Variants in TUT1 observed in about 807,000 individuals in gnomAD.
The protein encoded by TUT1 is terminal uridylyl transferase 1, U6 snRNA-specific.
A neutral mutation model predicts 48.8 loss-of-function variants in TUT1; 26 were observed. The observed-to-expected ratio is 0.53, with a 90% confidence interval of 0.39 to 0.74. The LOEUF is 0.74. TUT1 is among the 30% of genes least tolerant of loss of function. The probability of loss-of-function intolerance (pLI) is 0.00; values close to 1 mark genes in which losing one functional copy is unlikely to be tolerated. For synonymous variants in TUT1, 470 were observed against 460.8 expected, an observed-to-expected ratio of 1.02 and a Z score of -0.26; for missense variants, 1,065 against 1,114.8, an observed-to-expected ratio of 0.96 and a Z score of 0.64.
rs1412691520 is a variant in TUT1, at chr11:62,576,439, G to C, written c.1475-195C>G. 8.7e-6 allele frequency: 7 copies of C among 804,532 alleles called. No homozygotes were observed. In the Admixed American group the frequency reaches 1.7e-4, roughly 20 times the overall value. The allele number at this position is 804,532 out of a possible 1,614,324, so 49.8% of individuals were successfully genotyped here. ...CTCCCTGCCCCCACATGATGTCCTT[G>C]CCCAGATGCTGCTGCTCCTTGCTAG... On this transcript the variant is annotated intron_variant, in intron 8 of 8. Coordinates refer to ENST00000476907, the MANE Select transcript of TUT1 (RefSeq NM_022830.3).
intron 2 of TUT1, 91 bp from the exon 3 acceptor site, chr11:62,581,792 T>C: frequency 1.8e-6 from 2 of 1,100,792 alleles, no homozygotes; most frequent in Non-Finnish European, 2.4e-6. Context: ...AAATGGAGAC[T>C]ATCCCATAAA....
chr11:62,582,657 AC>A, intron 2 of TUT1: 1 of 441,788 alleles, frequency 2.3e-6, no homozygotes, highest in Non-Finnish European at 4.6e-6. Context: ...TTTTACTCTC[AC>A]CCCAGTCTGC....
At position 62,575,104 on chromosome 11, in the gene TUT1, T is replaced by C; in HGVS notation, c.2615A>G (p.His872Arg). ...LQVFLPQAIR[H>R]LK ...TCAGGGGCCATGTCTTCACTTGAGATGTCGAATTGCTTGAGGGAGGAAAAC... is the reference window on the plus strand; with the variant it reads ...TCAGGGGCCATGTCTTCACTTGAGACGTCGAATTGCTTGAGGGAGGAAAAC... Residue 872 changes from histidine to arginine, a missense_variant, in exon 9 of 9, where the codon CAT (histidine) becomes CGT (arginine). His to Arg is a conservative substitution (Grantham distance 29). Coordinates refer to ENST00000476907, the MANE Select transcript of TUT1 (RefSeq NM_022830.3). 1 of 1,562,868 alleles carries C rather than the reference T, an allele frequency of 6.4e-7. No homozygotes were observed. The highest frequency in any genetic ancestry group is 8.7e-7 in the Non-Finnish European group (1 of 1,153,276).
At position 62,576,926 on chromosome 11, in the gene TUT1, G is replaced by A; in HGVS notation, c.1362C>T (p.Ser454=). Reference sequence around the variant, plus strand: ...GAGTACCTGCTTTCTGGGTGAGCTGGGACACAGTGGGCAACACAGGAGGGT... The same window carrying A: ...GAGTACCTGCTTTCTGGGTGAGCTGAGACACAGTGGGCAACACAGGAGGGT... The part of the protein sequence containing the change: ...TRDPPVLPTV[S]QLTQKAGEGE... Residue 454 remains serine (S), a synonymous_variant, in exon 7 of 9, where the codon TCC becomes TCT. Transcript: ENST00000476907. 6.2e-7 allele frequency: 1 copy of A among 1,614,028 alleles called. No homozygotes were observed. Among genetic ancestry groups the A allele is most frequent in the Non-Finnish European group, 8.5e-7 (1 of 1,179,976 alleles).
rs1941735004 is a variant in TUT1 at position 62,576,698 on chromosome 11, T to A, written c.1433A>T (p.Asp478Val). 2 of 1,614,062 alleles carry A rather than the reference T, an allele frequency of 1.2e-6. No homozygotes were observed. Among genetic ancestry groups the A allele is most frequent in the Non-Finnish European group, 1.7e-6 (2 of 1,180,034 alleles). ...VDGWDCSFPR[D>V]ASRLEPSINV... The stretch of plus-strand genomic sequence containing the variant: ...TATGCTGGGCTCCAGTCTTGAGGCA[T>A]CCCTGGGGAAACTGCAGTCCCAGCC... The change falls in exon 8 of 9, where the codon GAT becomes GTT. Residue 478 changes from aspartate (D) to valine (V), a missense_variant. By Grantham distance (152) the Asp-to-Val change is radical. Transcript: ENST00000476907.
chr11:62,589,986 G>A (rs555775016), intron 1 of TUT1, among the ~76,000 whole-genome samples: 1 of 152,318 alleles, frequency 6.6e-6, no homozygotes, highest in Admixed American at 6.5e-5. Context: ...TATATCACTT[G>A]GCAGAGAGAG....
chr11:62,589,084 C>CA lies in TUT1; in HGVS notation c.219dup (p.Glu74Ter). On this transcript the variant is annotated frameshift_variant, in exon 2 of 9. Transcript: ENST00000476907. LOFTEE classifies it high-confidence loss of function. ...ACAGGTCCAAATGCTAGGAAGTACTCAGAGAGCTGAGCAGAATCCACATCC... is the reference window on the plus strand; with the variant it reads ...ACAGGTCCAAATGCTAGGAAGTACTCAAGAGAGCTGAGCAGAATCCACATCC... The CA allele has an allele frequency of 1.9e-6, 3 of 1,614,178 alleles. No homozygotes were observed. Among genetic ancestry groups the CA allele is most frequent in the Non-Finnish European group, 2.5e-6 (3 of 1,180,014 alleles).
Position 62,589,219 on chromosome 11 carries a change from G to C in TUT1, c.85C>G (p.Pro29Ala). The change falls in exon 2 of 9, where the codon CCC (proline) becomes GCC (alanine). Residue 29 changes from proline to alanine, a missense_variant and splice_region_variant. Pro to Ala is a conservative substitution (Grantham distance 27, BLOSUM62 -1). Coordinates refer to ENST00000476907, the MANE Select transcript of TUT1 (RefSeq NM_022830.3). ...CLCHVTTANR[P>A]SLDAHLGGRK... ...CCTCCCAAGTGGGCATCAAGGCTGG[G>C]TCCTGCAAAGACAAGTGTGAGACAA... The C allele has an allele frequency of 6.2e-7, 1 of 1,613,838 alleles. No individual in the cohort carries two copies.
chr11:62,578,847 A>T lies in TUT1; in HGVS notation c.874T>A (p.Ser292Thr). Residue 292 changes from serine to threonine, a missense_variant, in exon 5 of 9, where the codon TCT becomes ACT. Physicochemically the swap from Ser to Thr is moderately conservative, Grantham distance 58. Transcript: ENST00000476907. Reference sequence around the variant, plus strand: ...GCAAGGGTCTCGGAGGCCAAGGCAGAGTCCGGAGTTTGGGGCGCCAGGGAG... The same window carrying T: ...GCAAGGGTCTCGGAGGCCAAGGCAGTGTCCGGAGTTTGGGGCGCCAGGGAG... Reference protein sequence around the residue: ...SSSLAPQTPDSALASETLASP... With the variant: ...SSSLAPQTPDTALASETLASP... 1 of 1,613,294 alleles carries T rather than the reference A, an allele frequency of 6.2e-7. No homozygotes were observed. Among genetic ancestry groups the T allele is most frequent in the Non-Finnish European group, 8.5e-7 (1 of 1,179,482 alleles).
rs374483612 is a variant in TUT1 at position 62,578,712 on chromosome 11, C to T, written c.1009G>A (p.Gly337Arg). 151 of 1,614,082 alleles carry T rather than the reference C, an allele frequency of 9.4e-5. No homozygotes were observed. Among genetic ancestry groups the T allele is most frequent in the African/African-American group, 1.5e-4 (11 of 74,916 alleles). Residue 337 changes from glycine to arginine, a missense_variant, in exon 5 of 9, where the codon GGG becomes AGG. Gly to Arg is a moderately radical substitution (Grantham distance 125). Transcript: ENST00000476907. ...CCCACCAGCTCCAGCATTGCTGCCC[C>T]CTCTGCTTTCTCCTCCTTTGGGGTC... Reference protein sequence around the residue: ...AETPKEEKAEGAAMLELVGSI... With the variant: ...AETPKEEKAERAAMLELVGSI...
chr11:62,588,014 T>A (rs1050587257), intron 2 of TUT1, among the ~76,000 whole-genome samples: 1 of 152,250 alleles, frequency 6.6e-6, no homozygotes, highest in Non-Finnish European at 1.5e-5. Context: ...GTTGATCCAA[T>A]GGTATGTTGT....
rs759055889 is a variant in TUT1 at position 62,578,863 on chromosome 11, C to T, written c.858G>A (p.Ala286=). 31 of 1,611,492 alleles carry T rather than the reference C, an allele frequency of 1.9e-5. No individual in the cohort carries two copies. Among genetic ancestry groups the T allele is most frequent in the Non-Finnish European group, 2.5e-5 (29 of 1,178,512 alleles). ...CCAAGGCAGAGTCCGGAGTTTGGGG[C>T]GCCAGGGAGGAGGAAGGGGTTTCAA... ...LDFETPSSSL[A]PQTPDSALAS... The change falls in exon 5 of 9, where the codon GCG becomes GCA. Residue 286 remains alanine, a synonymous_variant. Coordinates refer to ENST00000476907, the MANE Select transcript of TUT1 (RefSeq NM_022830.3).
rs754989393 is a variant in TUT1, at chr11:62,575,340, A to G, written c.2379T>C (p.Ala793=). ...CTGCTCTTGTGCCAGCGCCACCTCC[A>G]GCTCCCTCCTTGGTTTGCTGCTGCA... ...RRLQQQTKEG[A]GGGAGTRAGW... Residue 793 remains alanine (A), a synonymous_variant, in exon 9 of 9, where the codon GCT becomes GCC. Coordinates refer to ENST00000476907, the MANE Select transcript of TUT1 (RefSeq NM_022830.3). The G allele has an allele frequency of 6.2e-7, 1 of 1,613,986 alleles. No individual in the cohort carries two copies. Among genetic ancestry groups the G allele is most frequent in the South Asian group, 1.1e-5 (1 of 91,076 alleles).
chr11:62,585,400 A>G (rs1302105078), intron 2 of TUT1, among the ~76,000 whole-genome samples: 1 of 152,206 alleles, frequency 6.6e-6, no homozygotes, highest in African/African-American at 2.4e-5. Context: ...ACAGTTTACC[A>G]GACTGCAGTA....
chr11:62,590,107 G>T (rs1941984842), intron 1 of TUT1, among the ~76,000 whole-genome samples: 1 of 152,234 alleles, frequency 6.6e-6, no homozygotes, highest in Non-Finnish European at 1.5e-5. Flanking sequence ...TAGGTTTCTG[G>T]CTTGGCTTAC....
At chr11:62,582,923 T>C (rs1257057854) in intron 2 of TUT1, among the ~76,000 whole-genome samples, 1 of 151,698 alleles carries the variant, frequency 6.6e-6, no homozygotes. Flanking sequence ...GGTCAGGAGA[T>C]AGAGACCATC....
rs573311126 is a variant in TUT1, at chr11:62,589,159, C to T, written c.145G>A (p.Ala49Thr). 1 of 1,614,270 alleles carries T rather than the reference C, an allele frequency of 6.2e-7. No individual in the cohort carries two copies. The highest frequency in any genetic ancestry group is 2.2e-5 in the East Asian group (1 of 44,888). Residue 49 changes from alanine to threonine, a missense_variant, in exon 2 of 9, where the codon GCG becomes ACG. By Grantham distance (58) the Ala-to-Thr change is moderately conservative (BLOSUM62 0). Coordinates refer to ENST00000476907, the MANE Select transcript of TUT1 (RefSeq NM_022830.3). ...KHRHLVELRA[A>T]RKAQGLRSVF... ...CTTCGAAGTCCCTGGGCCTTTCTCG[C>T]AGCTCGTAGTTCTACCAGGTGCCGG...
chr11:62,589,169 T>G lies in TUT1; in HGVS notation c.135A>C (p.Glu45Asp). Residue 45 changes from glutamate (E) to aspartate (D), a missense_variant, in exon 2 of 9, where the codon GAA becomes GAC. Transcript: ENST00000476907. ...LGGRKHRHLV[E>D]LRAARKAQGL... Reference sequence around the variant, plus strand: ...CCTGGGCCTTTCTCGCAGCTCGTAGTTCTACCAGGTGCCGGTGCTTTCTGC... The same window carrying G: ...CCTGGGCCTTTCTCGCAGCTCGTAGGTCTACCAGGTGCCGGTGCTTTCTGC... 1 of 1,614,240 alleles carries G rather than the reference T, an allele frequency of 6.2e-7. No individual in the cohort carries two copies. Among genetic ancestry groups the G allele is most frequent in the Non-Finnish European group, 8.5e-7 (1 of 1,180,050 alleles).
At chr11:62,588,143 G>C (rs1941949391) in intron 2 of TUT1, among the ~76,000 whole-genome samples, 1 of 152,210 alleles carries the variant, frequency 6.6e-6, no homozygotes, top group Non-Finnish European at 1.5e-5. Flanking sequence ...GCAGCCCTAA[G>C]CATAGTGCCT....
Sources: gnomAD v4.1 joint callset for allele counts (sites outside exome capture counted in the v4.1 genomes callset) on GRCh38, gnomAD v4.1.1 for gene constraint, MANE v1.5 for transcripts, NCBI Gene and HGNC (gene_info 2026-07-23, HGNC 2026-07-21) for gene names.